Variants in GSK3B observed in about 807,000 individuals in gnomAD.
The protein encoded by GSK3B is glycogen synthase kinase-3 beta.
In GSK3B, 15 loss-of-function variants were observed where a neutral mutation model predicts 56.4. The observed-to-expected ratio is 0.27, with a 90% CI of 0.18 to 0.41. The LOEUF (loss-of-function observed/expected upper bound fraction) is 0.41, where lower values mean the gene tolerates loss of function less well. GSK3B is among the 10% of genes least tolerant of loss of function. The probability of loss-of-function intolerance (pLI) is 1.00; values close to 1 mark genes in which losing one functional copy is unlikely to be tolerated. For synonymous variants in GSK3B, 181 were observed against 188.9 expected (o/e 0.96, Z 0.34); for missense variants, 300 against 513.4 (o/e 0.58, Z 4.02).
At chr3:120,043,146 C>A (rs977846399) in intron 1 of GSK3B, among the ~76,000 whole-genome samples, 15 of 152,142 alleles carry the variant, frequency 9.9e-5, no homozygotes, top group African/African-American at 3.6e-4. Context: ...GGAGGAAAAA[C>A]TTGAGCTGGC....
In GSK3B at chr3:120,044,468, A is replaced by C. The variant is rs56181436; in HGVS notation, c.89-42229T>G. The stretch of plus-strand genomic sequence containing the variant: ...AGTTGGCTATCCCTTTCACCCTGGC[A>C]TTTCATCAAGCAGAGAAAAAAAAAA... On this transcript the variant is annotated intron_variant, in intron 1 of 10. Coordinates refer to ENST00000264235, the MANE Select transcript of GSK3B (RefSeq NM_001146156.2). Among the ~76,000 whole-genome samples the C allele has an allele frequency of 4.9e-3, 746 of 151,650 alleles. 3 individuals are homozygous for C. The highest frequency in any genetic ancestry group is 0.017 in the African/African-American group (700 of 41,348).
intron 8 of GSK3B, among the ~76,000 whole-genome samples, chr3:119,873,377 C>T (rs1021183420): frequency 9.9e-5 from 15 of 151,486 alleles, no homozygotes; most frequent in Non-Finnish European, 1.6e-4. Context: ...GGGGATATAG[C>T]TGCACAACAC....
intron 2 of GSK3B, among the ~76,000 whole-genome samples, chr3:120,000,693 A>G (rs999108684): frequency 1.3e-5 from 2 of 151,948 alleles, no homozygotes; most frequent in African/African-American, 4.8e-5. Flanking sequence ...CAACATAGAG[A>G]TGACATCTGA....
At chr3:119,835,493 C>T (rs2055676774) in intron 10 of GSK3B, among the ~76,000 whole-genome samples, 1 of 152,104 alleles carries the variant, frequency 6.6e-6, no homozygotes, top group Non-Finnish European at 1.5e-5. Context: ...ACAGTCTATA[C>T]CTTCACCCTC....
chr3:119,830,892 C>T (rs189361271), intron 10 of GSK3B, among the ~76,000 whole-genome samples: 2 of 152,196 alleles, frequency 1.3e-5, no homozygotes, highest in Admixed American at 1.3e-4. Flanking sequence ...ATCTGGCATA[C>T]AGCAATTGTT....
intron 9 of GSK3B, among the ~76,000 whole-genome samples, chr3:119,851,490 T>G (rs1028136712): frequency 3.3e-5 from 5 of 152,220 alleles, no homozygotes; most frequent in African/African-American, 1.2e-4. Context: ...AGTGGTAACG[T>G]GTTTGTACAA....
intron 8 of GSK3B, among the ~76,000 whole-genome samples, chr3:119,872,825 A>G (rs1185893807): frequency 1.3e-5 from 2 of 152,178 alleles, no homozygotes; most frequent in African/African-American, 4.8e-5. Flanking sequence ...CTGAGGCATA[A>G]ACATTAGGAG....
chr3:119,990,488 T>G (rs940475702), intron 2 of GSK3B, among the ~76,000 whole-genome samples: 2 of 152,228 alleles, frequency 1.3e-5, no homozygotes, highest in African/African-American at 4.8e-5. Flanking sequence ...ACAATAGATA[T>G]GCTCAAGCTT....
chr3:119,860,828 A>T (rs144332177), intron 9 of GSK3B, among the ~76,000 whole-genome samples: 1 of 152,214 alleles, frequency 6.6e-6, no homozygotes, highest in Non-Finnish European at 1.5e-5. Flanking sequence ...TCAAACATTC[A>T]CTGAGCACCT....
At chr3:119,973,313 G>A (rs1297244874) in intron 2 of GSK3B, among the ~76,000 whole-genome samples, 1 of 152,172 alleles carries the variant, frequency 6.6e-6, no homozygotes, top group Non-Finnish European at 1.5e-5. Flanking sequence ...GTTCTGAGTA[G>A]TGTGATGAAA....
intron 7 of GSK3B, among the ~76,000 whole-genome samples, chr3:119,904,955 T>C (rs1290059146): frequency 6.8e-6 from 1 of 147,600 alleles, no homozygotes; most frequent in Non-Finnish European, 1.5e-5. Context: ...ATCTAGACAC[T>C]AGGTTTTTTT....
At chr3:119,955,760 T>C (rs2057207897) in intron 2 of GSK3B, among the ~76,000 whole-genome samples, 1 of 152,094 alleles carries the variant, frequency 6.6e-6, no homozygotes, top group African/African-American at 2.4e-5. Flanking sequence ...TTCAAGCGAT[T>C]CTCCTGCCTC....
intron 7 of GSK3B, among the ~76,000 whole-genome samples, chr3:119,892,912 A>G (rs891902402): frequency 3.3e-5 from 5 of 152,164 alleles, no homozygotes; most frequent in African/African-American, 1.2e-4. Flanking sequence ...CTGTTTCAAA[A>G]TATCAGTCTA....
chr3:120,026,574 T>G lies in GSK3B; in HGVS notation c.89-24335A>C, dbSNP rs1409355215. ...ACACAAACACACACACACTCTTTTT[T>G]TTTTTCTTTGAGACGGAGTCTCACT... On this transcript the variant is annotated intron_variant, in intron 1 of 10. Transcript: ENST00000264235. Among the ~76,000 whole-genome samples, 5 of 135,934 alleles carry G rather than the reference T, an allele frequency of 3.7e-5. No individual in the cohort carries two copies. The East Asian group carries it at 6.5e-4, about 18-fold the overall frequency. 89.2% of individuals were successfully genotyped at this position (135,934 alleles called of 152,430 possible). A position where few individuals can be genotyped will look rare whatever the true frequency, so the allele number is the denominator to read the frequency against.
At chr3:120,066,230 C>A (rs2058277464) in intron 1 of GSK3B, among the ~76,000 whole-genome samples, 3 of 152,106 alleles carry the variant, frequency 2.0e-5, no homozygotes, top group Admixed American at 1.3e-4. Flanking sequence ...ACTGTGCTCT[C>A]TAAATACTAC....
At chr3:119,954,769 C>T (rs549703417) in intron 2 of GSK3B, among the ~76,000 whole-genome samples, 41 of 152,200 alleles carry the variant, frequency 2.7e-4, no homozygotes, top group Non-Finnish European at 4.9e-4. Flanking sequence ...CAATATCTGA[C>T]ATCTCATGCT....
At chr3:120,076,687 G>A (rs1470059303) in intron 1 of GSK3B, among the ~76,000 whole-genome samples, 3 of 151,486 alleles carry the variant, frequency 2.0e-5, no homozygotes, top group South Asian at 2.1e-4. Flanking sequence ...GGTGGCGCAC[G>A]CCTGTAGTCC....
intron 9 of GSK3B, among the ~76,000 whole-genome samples, chr3:119,843,985 C>T (rs1199175683): frequency 6.6e-6 from 1 of 152,160 alleles, no homozygotes; most frequent in Non-Finnish European, 1.5e-5. Context: ...TCTCAGACTA[C>T]AGTGAATCAA....
intron 1 of GSK3B, among the ~76,000 whole-genome samples, chr3:120,046,314 A>G (rs899820590): frequency 4.6e-5 from 7 of 152,212 alleles, no homozygotes; most frequent in African/African-American, 1.4e-4. Flanking sequence ...TTAGTTCATC[A>G]ATTGTAACAA....
Sources: allele counts gnomAD v4.1 joint callset (sites outside exome capture counted in the v4.1 genomes callset), GRCh38; gene constraint gnomAD v4.1.1; transcripts MANE v1.5; gene names NCBI Gene and HGNC (gene_info 2026-07-23, HGNC 2026-07-21).